RIMS2: variants seen among roughly 807,000 people sequenced by gnomAD.
RIMS2 encodes regulating synaptic membrane exocytosis 2.
In RIMS2, 59 loss-of-function variants were observed where a neutral mutation model predicts 174.4. The ratio of observed to expected loss-of-function variants is 0.34; its 90% CI spans 0.27 to 0.42. The LOEUF is 0.42. Among genes scored for constraint, RIMS2 ranks in the 10% least tolerant of loss-of-function variants. RIMS2 has a pLI of 1.00. For missense variants in RIMS2, 1,620 were observed against 1,666.3 expected (o/e 0.97, Z 0.48); for synonymous variants, 606 against 572.5 (o/e 1.06, Z -0.84).
Position 103,599,133 on chromosome 8 carries a change from A to G in RIMS2, c.177-97953A>G, listed in dbSNP as rs1022273558. ...TCTTTTTTTCTTCTTAAGAACAACA[A>G]TAACACTACTGCTACTACTTACAGT... On this transcript the variant is annotated intron_variant, in intron 1 of 23. Coordinates refer to ENST00000504942, the Ensembl canonical transcript of RIMS2. Among the ~76,000 whole-genome samples, 8 of 152,184 alleles carry G rather than the reference A, an allele frequency of 5.3e-5. No homozygotes were observed. The South Asian group carries it at 6.2e-4, about 12-fold the overall frequency.
intron 4 of RIMS2, 98 bp downstream of exon 7, chr8:103,886,321 T>C (rs775830091): frequency 2.0e-6 from 2 of 993,102 alleles, no homozygotes; most frequent in Admixed American, 2.9e-5. Flanking sequence ...GTATTACTAG[T>C]AGCTTTATTT....
intron 19 of RIMS2, among the ~76,000 whole-genome samples, chr8:104,114,199 T>A (rs2098243310): frequency 6.6e-6 from 1 of 152,064 alleles, no homozygotes. Context: ...ATTATTTACC[T>A]TTAAGATAAA....
At chr8:104,205,422 T>A (rs1212404818) in intron 19 of RIMS2, among the ~76,000 whole-genome samples, 1 of 152,138 alleles carries the variant, frequency 6.6e-6, no homozygotes, top group Non-Finnish European at 1.5e-5. Flanking sequence ...TACATTGTAA[T>A]TTTTTGAAAA....
At chr8:104,125,864 A>C (rs1408410870) in intron 19 of RIMS2, among the ~76,000 whole-genome samples, 1 of 152,188 alleles carries the variant, frequency 6.6e-6, no homozygotes, top group Non-Finnish European at 1.5e-5. Flanking sequence ...TTGCGGGGAA[A>C]GTTTTCAGAG....
At chr8:104,034,626 C>A (rs983182250) in intron 19 of RIMS2, among the ~76,000 whole-genome samples, 3 of 151,726 alleles carry the variant, frequency 2.0e-5, no homozygotes, top group Non-Finnish European at 2.9e-5. Context: ...CCCGCCACCA[C>A]GCCTGGATAA....
At chr8:104,108,659 G>C (rs1432410126) in intron 19 of RIMS2, among the ~76,000 whole-genome samples, 1 of 151,948 alleles carries the variant, frequency 6.6e-6, no homozygotes, top group East Asian at 1.9e-4. Flanking sequence ...AGGATTTTTA[G>C]ATATAATGTA....
intron 19 of RIMS2, among the ~76,000 whole-genome samples, chr8:104,216,512 T>C (rs539706498): frequency 3.8e-4 from 58 of 152,214 alleles, no homozygotes; most frequent in Non-Finnish European, 8.5e-4. Flanking sequence ...CAAATTTATT[T>C]GTAACACTGT....
intron 19 of RIMS2, among the ~76,000 whole-genome samples, chr8:104,100,018 G>T (rs1270472288): frequency 6.6e-6 from 1 of 151,860 alleles, no homozygotes; most frequent in Non-Finnish European, 1.5e-5. Context: ...ACGGGGTTTG[G>T]CCATGTTGCC....
chr8:103,768,758 A>C (rs2154426348), intron 3 of RIMS2: 1 of 754,344 alleles, frequency 1.3e-6, no homozygotes, highest in East Asian at 2.5e-5. Flanking sequence ...GTTGTAAGAA[A>C]GCCTTTAAAC....
At chr8:104,146,023 C>T (rs909665809) in intron 19 of RIMS2, among the ~76,000 whole-genome samples, 4 of 151,794 alleles carry the variant, frequency 2.6e-5, no homozygotes, top group African/African-American at 7.3e-5. Flanking sequence ...CTGGTGATCT[C>T]TAAGTTTCAA....
intron 17 of RIMS2, among the ~76,000 whole-genome samples, chr8:103,998,014 C>T (rs1370540964): frequency 6.6e-6 from 1 of 151,576 alleles, no homozygotes; most frequent in Non-Finnish European, 1.5e-5. Flanking sequence ...TTGGCACTGT[C>T]ATATTACAGT....
At chr8:103,837,690 C>G (rs952238354) in intron 3 of RIMS2, among the ~76,000 whole-genome samples, 1 of 152,128 alleles carries the variant, frequency 6.6e-6, no homozygotes, top group Non-Finnish European at 1.5e-5. Context: ...AGGACATGAA[C>G]TCATCCTTTT....
chr8:103,651,006 CG>C (rs1564160600), intron 1 of RIMS2, among the ~76,000 whole-genome samples: 1 of 152,164 alleles, frequency 6.6e-6, no homozygotes, highest in Non-Finnish European at 1.5e-5. Context: ...ATGCAGATTC[CG>C]GGGCCAAAGT....
At chr8:104,050,059 A>C (rs1222216277) in intron 19 of RIMS2, among the ~76,000 whole-genome samples, 8 of 152,204 alleles carry the variant, frequency 5.3e-5, no homozygotes, top group Admixed American at 5.2e-4. Context: ...CTTATAAAAT[A>C]GCCAAATAAC....
chr8:103,581,175 C>G (rs905103665), intron 1 of RIMS2, among the ~76,000 whole-genome samples: 3 of 152,108 alleles, frequency 2.0e-5, no homozygotes, highest in African/African-American at 4.8e-5. Flanking sequence ...GATGCCAGAA[C>G]TAGACAAGGA....
At chr8:104,109,989 T>C (rs531732081) in intron 19 of RIMS2, among the ~76,000 whole-genome samples, 1 of 152,322 alleles carries the variant, frequency 6.6e-6, no homozygotes, top group East Asian at 1.9e-4. Context: ...TAACAAAACC[T>C]ATCCCTTTCC....
rs148374528 is a variant in RIMS2, at chr8:103,862,244, AT to A, written c.699-23052del. ...TTATTTAATATAGTGTCCTTTACCC[AT>A]TGTTTATTTTTATTGATTTTGTTAA... is the stretch of plus-strand genomic sequence containing the variant. On this transcript the variant is annotated intron_variant, in intron 3 of 23. Coordinates refer to ENST00000504942, the Ensembl canonical transcript of RIMS2. Among the ~76,000 whole-genome samples, 1,395 of 151,996 alleles carry A rather than the reference AT, an allele frequency of 9.2e-3. 21 individuals carry two copies. The highest frequency in any genetic ancestry group is 0.031 in the East Asian group (163 of 5,178).
chr8:103,783,471 C>G lies in RIMS2; in HGVS notation c.698+16934C>G, dbSNP rs2098411782. On this transcript the variant is annotated intron_variant, in intron 3 of 23. Transcript: ENST00000504942. Reference sequence around the variant, plus strand: ...GAGTGTGATATTCCCCTTCATGTGTCCATGTGATCTCATTGTTCAATTCCC... The same window carrying G: ...GAGTGTGATATTCCCCTTCATGTGTGCATGTGATCTCATTGTTCAATTCCC... Among the ~76,000 whole-genome samples, 2 of 149,764 alleles carry G rather than the reference C, an allele frequency of 1.3e-5. 1 individual carries two copies. The highest frequency in any genetic ancestry group is 4.3e-4 in the South Asian group (2 of 4,668).
chr8:103,597,052 G>A (rs986363255), intron 1 of RIMS2, among the ~76,000 whole-genome samples: 2 of 152,102 alleles, frequency 1.3e-5, no homozygotes, highest in African/African-American at 2.4e-5. Flanking sequence ...TAACAATGTG[G>A]TAGAAATTAA....
Sources: allele counts gnomAD v4.1 joint callset (sites outside exome capture counted in the v4.1 genomes callset), GRCh38; gene constraint gnomAD v4.1.1; transcripts MANE v1.5; gene names NCBI Gene and HGNC (gene_info 2026-07-23, HGNC 2026-07-21).